The following MAP3K3 variants were observed in gnomAD, a reference collection of about 807,000 sequenced individuals.
MAP3K3 encodes the protein MAP/ERK kinase kinase 3.
MAP3K3 carries 12 observed loss-of-function variants against 80.9 expected under a neutral mutation model. The ratio of observed to expected loss-of-function variants is 0.15; its 90% CI spans 0.10 to 0.24. MAP3K3 has a LOEUF of 0.24. MAP3K3 is among the 10% of genes least tolerant of loss of function. The probability of loss-of-function intolerance (pLI) is 1.00; values close to 1 mark genes in which losing one functional copy is unlikely to be tolerated. For missense variants in MAP3K3, 596 were observed against 834.7 expected (o/e 0.71, Z 3.52); for synonymous variants, 272 against 307.1 (o/e 0.89, Z 1.19).
chr17:63,691,370 G>T lies in MAP3K3; in HGVS notation c.1344+137G>T. The T allele has an allele frequency of 8.1e-7, 1 of 1,240,408 alleles. No individual in the cohort carries two copies. The allele number at this position is 1,240,408 out of a possible 1,614,324, so 76.8% of individuals were successfully genotyped here. On this transcript the variant is annotated intron_variant, in intron 13 of 15. Coordinates refer to ENST00000361733, the MANE Select transcript of MAP3K3 (RefSeq NM_002401.5). This position sits in a 1 kb window ranked among gnomAD's most constrained non-coding sequence, Gnocchi z 4.8. ...CAGAGGCCCAGAGGAGCAAAGTGAG[G>T]TGATGGTGGGACTTGGAGTCAGGAG...
At chr17:63,650,172 A>G (rs906003646) in intron 3 of MAP3K3, among the ~76,000 whole-genome samples, 3 of 152,158 alleles carry the variant, frequency 2.0e-5, no homozygotes, top group Admixed American at 6.5e-5. Context: ...GCCACTTACA[A>G]TTCTTCTGTG....
intron 5 of MAP3K3, among the ~76,000 whole-genome samples, chr17:63,666,709 G>A (rs893613073): frequency 6.6e-6 from 1 of 152,166 alleles, no homozygotes; most frequent in East Asian, 1.9e-4. Context: ...TTAAACTGGG[G>A]CACTAGGTCT....
rs2035592360 is a variant in MAP3K3, at chr17:63,691,618, GC to G, written c.1345-113del. The G allele has an allele frequency of 4.8e-6, 7 of 1,447,528 alleles. No individual in the cohort carries two copies. In the East Asian group the frequency reaches 1.6e-4, roughly 33 times the overall value. 89.7% of individuals were successfully genotyped at this position (1,447,528 alleles called of 1,614,324 possible). A position where few individuals can be genotyped will look rare whatever the true frequency, so the allele number is the denominator to read the frequency against. On this transcript the variant is annotated intron_variant, in intron 13 of 15. Coordinates refer to ENST00000361733, the MANE Select transcript of MAP3K3 (RefSeq NM_002401.5). The surrounding 1 kb of genome is among the most constrained non-coding windows in gnomAD (Gnocchi z 4.8). Reference sequence around the variant, plus strand: ...AGCTCCTGGCAAAATGCCCTGCCCAGCCAGATAGGAATTGAACAAATCACTC... The same window carrying G: ...AGCTCCTGGCAAAATGCCCTGCCCAGCAGATAGGAATTGAACAAATCACTC...
At chr17:63,631,386 G>A (rs1462952780) in intron 1 of MAP3K3, among the ~76,000 whole-genome samples, 2 of 152,134 alleles carry the variant, frequency 1.3e-5, no homozygotes, top group African/African-American at 2.4e-5. Context: ...CAGGGTATTA[G>A]AATATTTCCA....
chr17:63,625,790 G>C (rs1441992271), intron 1 of MAP3K3, among the ~76,000 whole-genome samples: 1 of 152,170 alleles, frequency 6.6e-6, no homozygotes, highest in African/African-American at 2.4e-5. Context: ...CTGAATTTTA[G>C]GTTGGGCATG....
intron 8 of MAP3K3, among the ~76,000 whole-genome samples, chr17:63,687,103 C>T (rs1014724552): frequency 2.0e-5 from 3 of 152,106 alleles, no homozygotes; most frequent in East Asian, 1.9e-4. Context: ...CCGTGGCTCA[C>T]GCCTGTAATC....
intron 6 of MAP3K3, among the ~76,000 whole-genome samples, chr17:63,671,342 G>A (rs546856183): frequency 1.4e-4 from 20 of 146,350 alleles, no homozygotes; most frequent in East Asian, 4.0e-4. Flanking sequence ...TGCAACCTCC[G>A]CCTCCCGGGT....
intron 1 of MAP3K3, among the ~76,000 whole-genome samples, chr17:63,631,364 C>G (rs1156739973): frequency 6.6e-6 from 1 of 152,112 alleles, no homozygotes. Flanking sequence ...TCATGCTGTT[C>G]GTTTCTTTCC....
Position 63,695,191 on chromosome 17 carries a change from C to T in MAP3K3, c.*1414C>T, listed in dbSNP as rs2035667694. On this transcript the variant is annotated 3_prime_UTR_variant, in exon 16 of 16. Coordinates refer to ENST00000361733, the MANE Select transcript of MAP3K3 (RefSeq NM_002401.5). The surrounding 1 kb of genome is among the most constrained non-coding windows in gnomAD (Gnocchi z 4.1). ...CCAGCCATGCCTACATCCCCATGGG[C>T]ACAGAACAAGCCAAAGCCTTCGTTG... 6.6e-6 allele frequency: 1 copy of T among 152,446 alleles called. No individual in the cohort carries two copies. 9.4% of individuals were successfully genotyped at this position (152,446 alleles called of 1,614,324 possible).
At chr17:63,662,181 A>T (rs2034906343) in intron 5 of MAP3K3, among the ~76,000 whole-genome samples, 1 of 148,250 alleles carries the variant, frequency 6.7e-6, no homozygotes, top group South Asian at 2.3e-4. Context: ...TGAGGCAGGC[A>T]GATTACTTGA....
chr17:63,682,003 C>A, intron 7 of MAP3K3, 104 bp downstream of exon 7: 2 of 1,080,088 alleles, frequency 1.9e-6, no homozygotes, highest in South Asian at 3.8e-5. Context: ...GGACATGAAC[C>A]CCATTTGAAA....
intron 6 of MAP3K3, among the ~76,000 whole-genome samples, chr17:63,679,224 C>T (rs1304396900): frequency 6.6e-6 from 1 of 152,144 alleles, no homozygotes; most frequent in African/African-American, 2.4e-5. Context: ...AGTGCACACA[C>T]ACACACAGAG....
chr17:63,645,856 G>A (rs549942772), intron 2 of MAP3K3, among the ~76,000 whole-genome samples, 178 bp from the exon 3 acceptor site: 1 of 152,266 alleles, frequency 6.6e-6, no homozygotes, highest in South Asian at 2.1e-4. Flanking sequence ...TGTTAGAACT[G>A]GAAGTTTTAA....
intron 2 of MAP3K3, among the ~76,000 whole-genome samples, chr17:63,644,885 C>T (rs1015620334): frequency 1.3e-5 from 2 of 152,118 alleles, no homozygotes; most frequent in African/African-American, 2.4e-5. Context: ...TCATTCTCTC[C>T]TTTATCTCTA....
chr17:63,657,390 T>G (rs2034792994), intron 4 of MAP3K3, among the ~76,000 whole-genome samples: 1 of 152,120 alleles, frequency 6.6e-6, no homozygotes, highest in Non-Finnish European at 1.5e-5. Flanking sequence ...TGAATTGAAT[T>G]GAATATGTAT....
At chr17:63,632,868 C>G in intron 2 of MAP3K3, 66 bp downstream of exon 2, 6 of 1,598,826 alleles carry the variant, frequency 3.8e-6, no homozygotes, top group Non-Finnish European at 5.1e-6. Context: ...GGGAAATATA[C>G]GAAAAGCCAA....
intron 2 of MAP3K3, among the ~76,000 whole-genome samples, chr17:63,642,343 C>G (rs979698572): frequency 6.6e-6 from 1 of 152,068 alleles, no homozygotes; most frequent in Non-Finnish European, 1.5e-5. Flanking sequence ...TGAGGAGATT[C>G]CTTCATTAGT....
At chr17:63,648,088 G>C (rs1315588132) in intron 3 of MAP3K3, among the ~76,000 whole-genome samples, 1 of 152,176 alleles carries the variant, frequency 6.6e-6, no homozygotes, top group Non-Finnish European at 1.5e-5. Flanking sequence ...CACACTGATG[G>C]GGGTGGTTGC....
chr17:63,683,959 C>T (rs750524311), intron 7 of MAP3K3, among the ~76,000 whole-genome samples: 8 of 151,894 alleles, frequency 5.3e-5, no homozygotes, highest in African/African-American at 1.9e-4. Context: ...GAGTTCAAGA[C>T]CAGCCTGGGC....
Sources: gnomAD v4.1 joint callset for allele counts (sites outside exome capture counted in the v4.1 genomes callset) on GRCh38, gnomAD v4.1.1 for gene constraint, Gnocchi (gnomAD v3.1) non-coding constraint, MANE v1.5 for transcripts, NCBI Gene and HGNC (gene_info 2026-07-23, HGNC 2026-07-21) for gene names.